Variants in KCNB2 observed in about 807,000 individuals in gnomAD.
KCNB2 encodes delayed rectifier potassium channel protein.
In KCNB2, 15 loss-of-function variants were observed where a neutral mutation model predicts 61.5. That is an observed-to-expected ratio of 0.24 (90% CI 0.16 to 0.38). The LOEUF (loss-of-function observed/expected upper bound fraction) is 0.38, where lower values mean the gene tolerates loss of function less well. Among genes scored for constraint, KCNB2 ranks in the 10% least tolerant of loss-of-function variants. KCNB2 has a pLI of 1.00. For synonymous variants in KCNB2, 457 were observed against 446.0 expected, an observed-to-expected ratio of 1.02 and a Z score of -0.31; for missense variants, 828 against 1,125.2, an observed-to-expected ratio of 0.74 and a Z score of 3.78.
intron 1 of KCNB2, among the ~76,000 whole-genome samples, chr8:72,553,888 T>C (rs754908988): frequency 3.3e-5 from 5 of 152,140 alleles, no homozygotes; most frequent in Non-Finnish European, 4.4e-5. Context: ...AGATGCTCAA[T>C]AAATATTTGT....
intron 2 of KCNB2, among the ~76,000 whole-genome samples, chr8:72,584,496 A>C (rs908232814): frequency 7.2e-5 from 11 of 152,074 alleles, no homozygotes; most frequent in Non-Finnish European, 1.2e-4. Context: ...TTAAAAAAAA[A>C]CTCTTACCTT....
At chr8:72,897,627 A>T (rs1204726919) in intron 2 of KCNB2, among the ~76,000 whole-genome samples, 1 of 152,184 alleles carries the variant, frequency 6.6e-6, no homozygotes, top group Non-Finnish European at 1.5e-5. Context: ...ACTGAAGCTT[A>T]GGGTTTGATC....
rs182940045 is a variant in KCNB2, at chr8:72,835,857, G to T, written c.580-100078G>T. Among the ~76,000 whole-genome samples the T allele has an allele frequency of 7.9e-5, 12 of 152,268 alleles. No homozygotes were observed. The East Asian group carries it at 2.3e-3, about 29-fold the overall frequency. Reference sequence around the variant, plus strand: ...CTACTGATGCTCATTACATTCAACAGGTGCTGCGCTAGCTGTGAACCTGAA... The same window carrying T: ...CTACTGATGCTCATTACATTCAACATGTGCTGCGCTAGCTGTGAACCTGAA... On this transcript the variant is annotated intron_variant, in intron 2 of 2. Coordinates refer to ENST00000523207, the MANE Select transcript of KCNB2 (RefSeq NM_004770.3).
At position 72,920,457 on chromosome 8, in the gene KCNB2, C is replaced by CTATATATATATATATATATATATATA. The variant is rs1286454103; in HGVS notation, c.580-15475_580-15474insATATATATATATATATATATATATAT. The stretch of plus-strand genomic sequence containing the variant: ...CTCTCCACTATATCTATCTATCTAT[C>CTATATATATATATATATATATATATA]TATCTATCTATCTATCTATATATAT... On this transcript the variant is annotated intron_variant, in intron 2 of 2. Transcript: ENST00000523207. 4.4e-5 allele frequency among the ~76,000 whole-genome samples: 3 copies of CTATATATATATATATATATATATATA among 68,438 alleles called. 1 individual carries two copies. Among genetic ancestry groups the CTATATATATATATATATATATATATA allele is most frequent in the Non-Finnish European group, 9.0e-5 (3 of 33,488 alleles). 44.9% of individuals were successfully genotyped at this position (68,438 alleles called of 152,430 possible). A position where few individuals can be genotyped will look rare whatever the true frequency, so the allele number is the denominator to read the frequency against.
At position 72,778,633 on chromosome 8, in the gene KCNB2, G is replaced by C. The variant is rs183956243; in HGVS notation, c.580-157302G>C. Among the ~76,000 whole-genome samples the C allele has an allele frequency of 9.1e-4, 134 of 147,864 alleles. 1 individual carries two copies. Among genetic ancestry groups the C allele is most frequent in the Admixed American group, 2.1e-3 (30 of 14,562 alleles). On this transcript the variant is annotated intron_variant, in intron 2 of 2. Coordinates refer to ENST00000523207, the MANE Select transcript of KCNB2 (RefSeq NM_004770.3). ...ACCTATAGTCCCAGCTACTAAGGAG[G>C]CTGAGACAGGAAGATCACTTGAGCC...
At chr8:72,541,392 G>C (rs1443057930) in intron 1 of KCNB2, among the ~76,000 whole-genome samples, 1 of 152,016 alleles carries the variant, frequency 6.6e-6, no homozygotes, top group African/African-American at 2.4e-5. Context: ...TTATTATATA[G>C]ATATGAAAAC....
At chr8:72,669,075 T>A (rs1240377630) in intron 2 of KCNB2, among the ~76,000 whole-genome samples, 1 of 152,226 alleles carries the variant, frequency 6.6e-6, no homozygotes, top group Non-Finnish European at 1.5e-5. Context: ...TAGACTGACC[T>A]GGCTGGTCAG....
At chr8:72,546,402 C>T (rs1806258526) in intron 1 of KCNB2, among the ~76,000 whole-genome samples, 1 of 151,936 alleles carries the variant, frequency 6.6e-6, no homozygotes, top group African/African-American at 2.4e-5. Context: ...CCTGTAATCC[C>T]AGCTACTTGG....
intron 2 of KCNB2, among the ~76,000 whole-genome samples, chr8:72,746,828 T>TG (rs1416605748): frequency 1.3e-5 from 2 of 152,154 alleles, no homozygotes; most frequent in East Asian, 3.8e-4. Flanking sequence ...TTCCAAGCAG[T>TG]GAGTAGACCA....
intron 2 of KCNB2, among the ~76,000 whole-genome samples, chr8:72,574,972 G>T (rs982669575): frequency 1.8e-4 from 28 of 152,122 alleles, no homozygotes; most frequent in Non-Finnish European, 3.4e-4. Flanking sequence ...TTGATTAGGT[G>T]TTCTTATCTG....
At chr8:72,930,252 A>G (rs1408249844) in intron 2 of KCNB2, among the ~76,000 whole-genome samples, 1 of 151,768 alleles carries the variant, frequency 6.6e-6, no homozygotes, top group Non-Finnish European at 1.5e-5. Context: ...TAGTGCCACA[A>G]TAAACATACG....
chr8:72,684,721 T>A (rs1428772781), intron 2 of KCNB2, among the ~76,000 whole-genome samples: 2 of 152,172 alleles, frequency 1.3e-5, no homozygotes, highest in Non-Finnish European at 2.9e-5. Context: ...TGACCAACAG[T>A]TAAAACAGAC....
chr8:72,733,093 AAC>A (rs1391690811), intron 2 of KCNB2, among the ~76,000 whole-genome samples: 3 of 152,176 alleles, frequency 2.0e-5, no homozygotes, highest in Non-Finnish European at 4.4e-5. Flanking sequence ...AAGAAAGTAG[AAC>A]AGAAGGAGGG....
intron 2 of KCNB2, among the ~76,000 whole-genome samples, chr8:72,585,914 A>G (rs1806994903): frequency 3.3e-5 from 5 of 152,274 alleles, no homozygotes; most frequent in Admixed American, 3.3e-4. Context: ...GCAGTTTGAA[A>G]GACAGTAGTT....
chr8:72,853,854 C>T (rs1810161016), intron 2 of KCNB2, among the ~76,000 whole-genome samples: 1 of 152,122 alleles, frequency 6.6e-6, no homozygotes, highest in South Asian at 2.1e-4. Flanking sequence ...GAAGATTTTC[C>T]CAGTTTCTTC....
intron 2 of KCNB2, among the ~76,000 whole-genome samples, chr8:72,823,298 TCA>T (rs1177693746): frequency 6.6e-6 from 1 of 152,158 alleles, no homozygotes; most frequent in African/African-American, 2.4e-5. Context: ...GTGATATTTT[TCA>T]CAGTGTCAGC....
At chr8:72,746,192 C>A (rs1808061663) in intron 2 of KCNB2, among the ~76,000 whole-genome samples, 1 of 152,096 alleles carries the variant, frequency 6.6e-6, no homozygotes, top group Non-Finnish European at 1.5e-5. Flanking sequence ...ACCCCTTTCC[C>A]AAGCAGTATT....
chr8:72,578,834 C>G (rs546464192), intron 2 of KCNB2, among the ~76,000 whole-genome samples: 4 of 152,160 alleles, frequency 2.6e-5, no homozygotes, highest in Non-Finnish European at 5.9e-5. Context: ...AATGCCAAAG[C>G]TTTGATGAGC....
intron 2 of KCNB2, among the ~76,000 whole-genome samples, chr8:72,934,394 C>CAAAAAAAAA (rs11392513): frequency 1.6e-4 from 13 of 83,852 alleles, no homozygotes; most frequent in East Asian, 7.1e-4. Flanking sequence ...TCACCCCCCG[C>CAAAAAAAAA]AAAAAAAAAA....
Sources: allele counts gnomAD v4.1 joint callset (sites outside exome capture counted in the v4.1 genomes callset), GRCh38; gene constraint gnomAD v4.1.1; transcripts MANE v1.5; gene names NCBI Gene and HGNC (gene_info 2026-07-23, HGNC 2026-07-21).